FGF13: variants seen among roughly 807,000 people sequenced by gnomAD.
FGF13 encodes fibroblast growth factor 13, also known as fibroblast growth factor homologous factor 2.
In FGF13, 2 loss-of-function variants were observed where a neutral mutation model predicts 19.5. That is an observed-to-expected ratio of 0.10 (90% CI 0.04 to 0.32). The LOEUF (loss-of-function observed/expected upper bound fraction) is 0.32, where lower values mean the gene tolerates loss of function less well. Among genes scored for constraint, FGF13 ranks in the 10% least tolerant of loss-of-function variants. The pLI is 1.00. For synonymous variants in FGF13, 72 were observed against 76.9 expected (o/e 0.94, Z 0.33); for missense variants, 113 against 192.7 (o/e 0.59, Z 2.45).
intron 3 of FGF13, among the ~76,000 whole-genome samples, chrX:138,826,918 C>T (rs1156438427): frequency 8.9e-6 from 1 of 112,153 alleles, no homozygotes; most frequent in Non-Finnish European, 1.9e-5. Context: ...TACACTGGTA[C>T]ACAGGTATAT....
At chrX:138,953,074 C>T (rs34651714) in intron 1 of FGF13, among the ~76,000 whole-genome samples, 91 of 111,708 alleles carry the variant, frequency 8.1e-4, no homozygotes, top group Admixed American at 2.6e-3. Context: ...AATCCCATTA[C>T]GGGGTATATA....
intron 1 of FGF13, among the ~76,000 whole-genome samples, chrX:138,975,993 A>C (rs888262109): frequency 3.6e-5 from 4 of 111,574 alleles, no homozygotes; most frequent in Non-Finnish European, 7.5e-5. Context: ...TTCATTGGAC[A>C]CTTCTCACTT....
At chrX:138,696,127 G>A (rs1316342068) in intron 3 of FGF13, among the ~76,000 whole-genome samples, 1 of 111,571 alleles carries the variant, frequency 9.0e-6, no homozygotes, top group African/African-American at 3.3e-5. Flanking sequence ...AACCAATGTA[G>A]GAACATACAA....
Position 138,626,261 on chromosome X carries a change from T to C in FGF13, c.*6589A>G, listed in dbSNP as rs2089062920. On this transcript the variant is annotated 3_prime_UTR_variant, in exon 5 of 5. Coordinates refer to ENST00000315930, the MANE Select transcript of FGF13 (RefSeq NM_004114.5). ...GCATACCAGGGGCTCTGCCCCTCAT[T>C]GTCCAGCTACACTAGGCTAATTAAT... 8.9e-6 allele frequency: 1 copy of C among 111,968 alleles called. No individual in the cohort carries two copies. The highest frequency in any genetic ancestry group is 1.9e-5 in the Non-Finnish European group (1 of 53,184). The allele number at this position is 111,968 out of a possible 1,213,427, so 9.2% of individuals were successfully genotyped here. A position where few individuals can be genotyped will look rare whatever the true frequency, so the allele number is the denominator to read the frequency against.
At chrX:139,154,469 A>G (rs1467784121) in intron 1 of FGF13, among the ~76,000 whole-genome samples, 1 of 112,024 alleles carries the variant, frequency 8.9e-6, no homozygotes, top group Non-Finnish European at 1.9e-5. Flanking sequence ...ACATAACATA[A>G]CCACGGAAGC....
chrX:138,909,144 T>G (rs746944345), intron 1 of FGF13, among the ~76,000 whole-genome samples: 9 of 111,862 alleles, frequency 8.0e-5, no homozygotes, highest in Non-Finnish European at 3.8e-5. Context: ...CCTCTGTGAC[T>G]TAGGGACAGG....
At chrX:139,097,596 CTA>C (rs2083478843) in intron 1 of FGF13, among the ~76,000 whole-genome samples, 1 of 111,697 alleles carries the variant, frequency 9.0e-6, no homozygotes, top group African/African-American at 3.3e-5. Flanking sequence ...ATAAATTACA[CTA>C]TATGATCATC....
chrX:138,757,712 T>C (rs1226647055), intron 3 of FGF13, among the ~76,000 whole-genome samples: 1 of 111,158 alleles, frequency 9.0e-6, no homozygotes, highest in Non-Finnish European at 1.9e-5. Context: ...AGTGCTACAA[T>C]GAGGGACAGG....
intron 1 of FGF13, among the ~76,000 whole-genome samples, chrX:139,160,551 G>A (rs183785178): frequency 4.7e-3 from 520 of 111,568 alleles, no homozygotes; most frequent in African/African-American, 0.016. Flanking sequence ...AGGAATCCAG[G>A]AGCTGATTTT....
At chrX:138,919,912 T>C (rs1330275429) in intron 1 of FGF13, among the ~76,000 whole-genome samples, 1 of 111,603 alleles carries the variant, frequency 9.0e-6, no homozygotes, top group South Asian at 3.8e-4. Flanking sequence ...GGTTTTGATA[T>C]TGTACTATAA....
intron 3 of FGF13, among the ~76,000 whole-genome samples, chrX:138,789,470 G>A (rs764726297): frequency 9.2e-6 from 1 of 108,909 alleles, no homozygotes; most frequent in Non-Finnish European, 1.9e-5. Flanking sequence ...GTCAGCCACC[G>A]CGCCCAGCCC....
At chrX:139,129,170 CACACACACACAT>C (rs1420471061) in intron 1 of FGF13, among the ~76,000 whole-genome samples, 1 of 100,878 alleles carries the variant, frequency 9.9e-6, no homozygotes, top group Non-Finnish European at 2.0e-5. Flanking sequence ...CACACACACA[CACACACACACAT>C]GTGTGTGTGT....
chrX:138,844,511 A>AC (rs1385463558), intron 3 of FGF13, among the ~76,000 whole-genome samples: 1 of 111,827 alleles, frequency 8.9e-6, no homozygotes, highest in East Asian at 2.8e-4. Context: ...AGAGGCAGAG[A>AC]CATCTGTTCT....
intron 3 of FGF13, among the ~76,000 whole-genome samples, chrX:138,804,954 T>C (rs748575731): frequency 8.9e-6 from 1 of 112,133 alleles, no homozygotes; most frequent in South Asian, 3.7e-4. Flanking sequence ...TATTGAAATA[T>C]CAGATTGATC....
intron 1 of FGF13, among the ~76,000 whole-genome samples, chrX:138,913,638 GAGGAAGGAAGGA>G (rs747877973): frequency 0.38 from 23,666 of 61,685 alleles, 4,479 homozygotes; most frequent in South Asian, 0.48. Flanking sequence ...AGGAGGGATG[GAGGAAGGAAGGA>G]AGGAAGGAAG....
At chrX:138,656,722 T>C (rs1431210275) in intron 3 of FGF13, among the ~76,000 whole-genome samples, 1 of 111,901 alleles carries the variant, frequency 8.9e-6, no homozygotes, top group East Asian at 2.8e-4. Flanking sequence ...TTAATGCTGG[T>C]GGGTTAAAGT....
At chrX:138,672,757 T>C (rs1400128428) in intron 3 of FGF13, among the ~76,000 whole-genome samples, 1 of 109,703 alleles carries the variant, frequency 9.1e-6, no homozygotes, top group African/African-American at 3.3e-5. Flanking sequence ...AGAGGGTGAG[T>C]GTGCACAGAG....
At chrX:138,896,416 T>C (rs745321519) in intron 1 of FGF13, among the ~76,000 whole-genome samples, 1 of 111,768 alleles carries the variant, frequency 8.9e-6, no homozygotes, top group Non-Finnish European at 1.9e-5. Flanking sequence ...TTTTCACCTA[T>C]ACTTTTCTTT....
At chrX:139,183,669 C>T (rs1402602612) in intron 1 of FGF13, among the ~76,000 whole-genome samples, 2 of 112,090 alleles carry the variant, frequency 1.8e-5, no homozygotes, top group Non-Finnish European at 3.8e-5. Context: ...GCAGCAAATG[C>T]TGGTACTACA....
Sources: gnomAD v4.1 joint callset for allele counts (sites outside exome capture counted in the v4.1 genomes callset) on GRCh38, gnomAD v4.1.1 for gene constraint, MANE v1.5 for transcripts, NCBI Gene and HGNC (gene_info 2026-07-23, HGNC 2026-07-21) for gene names.